NFATC2: variants seen among roughly 807,000 people sequenced by gnomAD.
NFATC2 encodes the protein nuclear factor of activated T-cells, cytoplasmic 2.
In NFATC2, 22 loss-of-function variants were observed where a neutral mutation model predicts 87.3. That is an observed-to-expected ratio of 0.25 (90% confidence interval 0.18 to 0.36). The LOEUF is 0.36. Ranked by LOEUF, NFATC2 falls within the 10% of genes least tolerant of loss-of-function variation. The pLI is 1.00. For synonymous variants in NFATC2, 565 were observed against 542.2 expected (o/e 1.04, Z -0.58); for missense variants, 1,149 against 1,259.1 (o/e 0.91, Z 1.32).
chr20:51,541,379 T>C (rs1335404586), intron 1 of NFATC2, among the ~76,000 whole-genome samples: 4 of 152,188 alleles, frequency 2.6e-5, no homozygotes. Flanking sequence ...TTGGGTTTTT[T>C]GTTTTTTCCA....
upstream of NFATC2, among the ~76,000 whole-genome samples, chr20:51,545,437 T>C (rs2076881002): frequency 6.6e-6 from 1 of 152,222 alleles, no homozygotes. Flanking sequence ...AATCAGAGAA[T>C]TTTATCTCCA....
intron 1 of NFATC2, among the ~76,000 whole-genome samples, chr20:51,557,523 G>T (rs1200563130): frequency 1.3e-5 from 2 of 152,150 alleles, no homozygotes; most frequent in Non-Finnish European, 2.9e-5. Context: ...CTGTTATTGG[G>T]GGCTTATTTA....
chr20:51,429,529 A>G (rs1001337526), intron 9 of NFATC2, among the ~76,000 whole-genome samples: 3 of 152,214 alleles, frequency 2.0e-5, no homozygotes, highest in African/African-American at 4.8e-5. Context: ...TCTGCCAAGT[A>G]TCAGGAAAAG....
At chr20:51,396,329 G>A (rs1289717954) in intron 10 of NFATC2, among the ~76,000 whole-genome samples, 1 of 151,918 alleles carries the variant, frequency 6.6e-6, no homozygotes, top group Non-Finnish European at 1.5e-5. Flanking sequence ...TTTGCAGCAG[G>A]ATGGCTGCTC....
chr20:51,439,613 A>T (rs1285638467), intron 6 of NFATC2, among the ~76,000 whole-genome samples: 1 of 152,162 alleles, frequency 6.6e-6, no homozygotes, highest in Non-Finnish European at 1.5e-5. Context: ...CATGGGGGGC[A>T]GGGGGAAAGT....
intron 6 of NFATC2, among the ~76,000 whole-genome samples, chr20:51,436,793 T>C (rs1041862140): frequency 6.6e-6 from 1 of 152,222 alleles, no homozygotes; most frequent in African/African-American, 2.4e-5. Flanking sequence ...TGTTATATGT[T>C]ACACTTTATC....
At position 51,391,299 on chromosome 20, in the gene NFATC2, G is replaced by A. The variant is rs546997314; in HGVS notation, c.*197C>T. 150 of 1,336,848 alleles carry A rather than the reference G, an allele frequency of 1.1e-4. No homozygotes were observed. The highest frequency in any genetic ancestry group is 4.6e-4 in the African/African-American group (32 of 68,894). 82.8% of individuals were successfully genotyped at this position (1,336,848 alleles called of 1,614,324 possible). ...ATACATTGATCCGCGTGTGGACTCC[G>A]GGCTGGGAGATGAACATGAAAGGAG... On this transcript the variant is annotated 3_prime_UTR_variant, in exon 11 of 11. Transcript: ENST00000371564.
chr20:51,515,900 A>G (rs1328741383), intron 3 of NFATC2, among the ~76,000 whole-genome samples: 1 of 152,160 alleles, frequency 6.6e-6, no homozygotes, highest in Non-Finnish European at 1.5e-5. Flanking sequence ...ACCACCCTAG[A>G]GGTTCTGATG....
chr20:51,514,409 G>A (rs1337620934), intron 3 of NFATC2, among the ~76,000 whole-genome samples: 15 of 152,238 alleles, frequency 9.9e-5, no homozygotes, highest in Admixed American at 9.8e-4. Flanking sequence ...GCAGCAAACT[G>A]TGCTTGATGG....
rs199733830 is a variant in NFATC2 at position 51,445,121 on chromosome 20, A to T, written c.1850-9360T>A. Among the ~76,000 whole-genome samples the T allele has an allele frequency of 8.6e-5, 13 of 150,810 alleles. No homozygotes were observed. In the East Asian group the frequency reaches 2.0e-3, roughly 23 times the overall value. On this transcript the variant is annotated intron_variant, in intron 6 of 10. Transcript: ENST00000371564. ...GACCATGCCACTCCCCTGCTCAAAAACCTCCAACAACTACCTGTTGCTTTG... is the reference window on the plus strand; with the variant it reads ...GACCATGCCACTCCCCTGCTCAAAATCCTCCAACAACTACCTGTTGCTTTG...
At position 51,432,031 on chromosome 20, in the gene NFATC2, A is replaced by C. The variant is rs573341272; in HGVS notation, c.2722+36T>G. ...CTGGGCAGAGATGCTTCAGGGCACCATCCTTACAGGCAGTGACAAAACTCA... is the reference window on the plus strand; with the variant it reads ...CTGGGCAGAGATGCTTCAGGGCACCCTCCTTACAGGCAGTGACAAAACTCA... On this transcript the variant is annotated intron_variant, in intron 9 of 10. Coordinates refer to ENST00000371564, the MANE Select transcript of NFATC2 (RefSeq NM_012340.5). This position sits in a 1 kb window ranked among gnomAD's most constrained non-coding sequence, Gnocchi z 4.6. 6 of 1,506,542 alleles carry C rather than the reference A, an allele frequency of 4.0e-6. 1 individual carries two copies. The African/African-American group carries it at 8.4e-5, about 21-fold the overall frequency. 93.3% of individuals were successfully genotyped at this position (1,506,542 alleles called of 1,614,324 possible).
At chr20:51,561,460 AAAGAAAGAAAGAAAGAAAGAAAGAAAGC>A (rs2077026830) in intron 1 of NFATC2, among the ~76,000 whole-genome samples, 1 of 128,672 alleles carries the variant, frequency 7.8e-6, no homozygotes, top group African/African-American at 3.0e-5. Context: ...AGAAAGAAAG[AAAGAAAGAAAGAAAGAAAGAAAGAAAGC>A]AAGCAAGCAA....
intron 5 of NFATC2, among the ~76,000 whole-genome samples, chr20:51,464,842 A>G (rs1987516208): frequency 6.6e-6 from 1 of 152,218 alleles, no homozygotes; most frequent in Admixed American, 6.5e-5. Context: ...CAATGTTACC[A>G]CTGGCTTGCC....
At chr20:51,407,494 G>A (rs1027842210) in intron 9 of NFATC2, among the ~76,000 whole-genome samples, 2 of 152,226 alleles carry the variant, frequency 1.3e-5, no homozygotes, top group African/African-American at 2.4e-5. Flanking sequence ...TGGCAACCCA[G>A]TGCTGACTTC....
chr20:51,398,555 T>C (rs1987575078), intron 10 of NFATC2, 88 bp downstream of exon 10: 19 of 826,868 alleles, frequency 2.3e-5, no homozygotes, highest in Non-Finnish European at 3.4e-5. Context: ...CTGTCAAGTT[T>C]TCTTATACTT....
At chr20:51,395,974 A>G (rs917317309) in intron 10 of NFATC2, among the ~76,000 whole-genome samples, 3 of 147,034 alleles carry the variant, frequency 2.0e-5, no homozygotes, top group Admixed American at 1.4e-4. Flanking sequence ...ATAAAACTTC[A>G]TTTGCCAAAA....
At chr20:51,499,859 T>A (rs1384750144) in intron 3 of NFATC2, among the ~76,000 whole-genome samples, 1 of 152,188 alleles carries the variant, frequency 6.6e-6, no homozygotes, top group Non-Finnish European at 1.5e-5. Context: ...GTTTTTTCAT[T>A]TGTAAGATAG....
intron 10 of NFATC2, among the ~76,000 whole-genome samples, chr20:51,398,346 G>A (rs1388380158): frequency 6.6e-6 from 1 of 152,160 alleles, no homozygotes; most frequent in African/African-American, 2.4e-5. Context: ...AACCAAAAAG[G>A]AGCAGGCTCC....
chr20:51,466,785 C>T (rs1987726258), intron 5 of NFATC2, among the ~76,000 whole-genome samples: 1 of 152,140 alleles, frequency 6.6e-6, no homozygotes, highest in Non-Finnish European at 1.5e-5. Flanking sequence ...AAAAGACACT[C>T]CCTGGGCTGG....
Sources: allele counts gnomAD v4.1 joint callset (sites outside exome capture counted in the v4.1 genomes callset), GRCh38; gene constraint gnomAD v4.1.1; non-coding constraint Gnocchi (gnomAD v3.1); transcripts MANE v1.5; gene names NCBI Gene and HGNC (gene_info 2026-07-23, HGNC 2026-07-21).